The following SCN3A variants were observed in gnomAD, a reference collection of about 807,000 sequenced individuals.
SCN3A encodes sodium channel protein type 3 subunit alpha.
In SCN3A, 60 loss-of-function variants were observed where a neutral mutation model predicts 187.6. The ratio of observed to expected loss-of-function variants is 0.32; its 90% confidence interval spans 0.26 to 0.40. The LOEUF (loss-of-function observed/expected upper bound fraction) is 0.40. Among genes scored for constraint, SCN3A ranks in the 10% least tolerant of loss-of-function variants. The pLI is 1.00. For missense variants in SCN3A, 1,601 were observed against 2,428.2 expected (o/e 0.66, Z 7.16); for synonymous variants, 788 against 829.2 (o/e 0.95, Z 0.85).
rs1381118373 is a variant in SCN3A, at chr2:165,088,999, A to G, written c.*1151T>C. 1 of 152,598 alleles carries G rather than the reference A, an allele frequency of 6.6e-6. No individual in the cohort carries two copies. The highest frequency in any genetic ancestry group is 2.4e-5 in the African/African-American group (1 of 41,464). 9.5% of individuals were successfully genotyped at this position (152,598 alleles called of 1,614,324 possible). ...ATTCATTCTATCACCAATATGTGAC[A>G]TTCTTTAACCAAGACTTGTGAAGAA... On this transcript the variant is annotated 3_prime_UTR_variant, in exon 28 of 28. Transcript: ENST00000283254.
At chr2:165,202,768 A>C (rs1343323662) in intron 1 of SCN3A, among the ~76,000 whole-genome samples, 2 of 152,062 alleles carry the variant, frequency 1.3e-5, no homozygotes, top group African/African-American at 2.4e-5. Context: ...TTTGGAGTGA[A>C]TGTGATGAAA....
intron 18 of SCN3A, 119 bp from the exon 19 acceptor site, chr2:165,115,694 T>G (rs1686338821): frequency 1.1e-6 from 1 of 878,176 alleles, no homozygotes; most frequent in Non-Finnish European, 1.9e-6. Flanking sequence ...TCTATTAGCA[T>G]TACTGATCAT....
At chr2:165,156,429 C>T (rs1229396766) in intron 9 of SCN3A, among the ~76,000 whole-genome samples, 4 of 135,546 alleles carry the variant, frequency 3.0e-5, no homozygotes, top group Non-Finnish European at 4.6e-5. Flanking sequence ...AGGAGAATGG[C>T]GTGAACCCGG....
At chr2:165,132,868 T>C (rs1236565431) in intron 15 of SCN3A, among the ~76,000 whole-genome samples, 1 of 152,162 alleles carries the variant, frequency 6.6e-6, no homozygotes, top group African/African-American at 2.4e-5. Context: ...GAGGAAATTT[T>C]CGCAACCTAC....
chr2:165,166,712 A>G (rs897989627), intron 5 of SCN3A, among the ~76,000 whole-genome samples: 10 of 152,134 alleles, frequency 6.6e-5, no homozygotes, highest in Non-Finnish European at 1.3e-4. Context: ...AACCACTACT[A>G]CTTTGCTTTT....
Position 165,097,408 on chromosome 2 carries a change from G to A in SCN3A, c.4083C>T (p.Phe1361=). The change falls in exon 23 of 28, where the codon TTC becomes TTT. Residue 1361 remains phenylalanine (F), a synonymous_variant. Transcript: ENST00000283254. ...CCGTTGTCATGTTAACACAGTGGTAGAACTTGCCAGCAAACAAATTCACAC... is the reference window on the plus strand; with the variant it reads ...CCGTTGTCATGTTAACACAGTGGTAAAACTTGCCAGCAAACAAATTCACAC... ...IMGVNLFAGK[F]YHCVNMTTGN... 6.2e-7 allele frequency: 1 copy of A among 1,614,008 alleles called. No individual in the cohort carries two copies. Among genetic ancestry groups the A allele is most frequent in the East Asian group, 2.2e-5 (1 of 44,870 alleles).
At chr2:165,115,126 T>A (rs557444849) in intron 19 of SCN3A, among the ~76,000 whole-genome samples, 9 of 152,262 alleles carry the variant, frequency 5.9e-5, no homozygotes, top group African/African-American at 2.2e-4. Flanking sequence ...TAATCATGGC[T>A]CACTGTAGCC....
At position 165,100,444 on chromosome 2, in the gene SCN3A, T is replaced by G; in HGVS notation, c.3844-20A>C. On this transcript the variant is annotated intron_variant, in intron 21 of 27. Coordinates refer to ENST00000283254, the MANE Select transcript of SCN3A (RefSeq NM_006922.4). ...AGAAACCTACAAAAGGAAAAAAAAA[T>G]TAATTAGTTCACCAAGAAATAAACT... is the stretch of plus-strand genomic sequence containing the variant. 6.2e-7 allele frequency: 1 copy of G among 1,608,914 alleles called. No homozygotes were observed. Among genetic ancestry groups the G allele is most frequent in the Non-Finnish European group, 8.5e-7 (1 of 1,176,352 alleles).
chr2:165,155,771 A>C lies in SCN3A; in HGVS notation c.1164T>G (p.Leu388=). ...CTCATTTGGACCTTACCAACTGGTA[A>C]AGATTTTCCCAGTAGTCTTGAGTCA... ...RLMTQDYWEN[L]YQLTLRAAGK... Residue 388 remains leucine, a synonymous_variant, in exon 10 of 28, where the codon CTT becomes CTG. Transcript: ENST00000283254. The C allele has an allele frequency of 6.2e-7, 1 of 1,614,188 alleles. No individual in the cohort carries two copies. Among genetic ancestry groups the C allele is most frequent in the Non-Finnish European group, 8.5e-7 (1 of 1,180,026 alleles).
intron 15 of SCN3A, among the ~76,000 whole-genome samples, chr2:165,132,293 A>C (rs1687378675): frequency 6.6e-6 from 1 of 152,186 alleles, no homozygotes; most frequent in Non-Finnish European, 1.5e-5. Flanking sequence ...TAAAGTTCAT[A>C]TGGAACCAAA....
intron 15 of SCN3A, among the ~76,000 whole-genome samples, chr2:165,136,856 C>T (rs1441993746): frequency 6.6e-6 from 1 of 152,094 alleles, no homozygotes; most frequent in Admixed American, 6.6e-5. Context: ...TCCAATTGTC[C>T]ACCAGCATTT....
At chr2:165,164,621 C>T (rs1689622738) in intron 5 of SCN3A, 101 bp from the exon 6 acceptor site, 1 of 1,305,642 alleles carries the variant, frequency 7.7e-7, no homozygotes, top group African/African-American at 1.5e-5. Flanking sequence ...TTTTTCAATT[C>T]ATTAAAATAT....
At chr2:165,094,591 A>T in intron 25 of SCN3A, 113 bp from the exon 26 acceptor site, 1 of 728,068 alleles carries the variant, frequency 1.4e-6, no homozygotes, top group Non-Finnish European at 2.4e-6. Context: ...TTATCCTCCT[A>T]CATATACATT....
chr2:165,146,855 C>T lies in SCN3A; in HGVS notation c.1555G>A (p.Glu519Lys). 6.2e-7 allele frequency: 1 copy of T among 1,614,058 alleles called. No individual in the cohort carries two copies. Among genetic ancestry groups the T allele is most frequent in the East Asian group, 2.2e-5 (1 of 44,858 alleles). The change falls in exon 12 of 28, where the codon GAG becomes AAG. Residue 519 changes from glutamate to lysine, a missense_variant. Around this residue, in one of 11 missense-constraint regions of SCN3A, gnomAD observed 376 missense variants for 476.0 expected, o/e 0.79. Transcript: ENST00000283254. ...TCGGATTTGGGAAAGCTGTCTCTCTCTCCTTTGTTGTTTCCTTCAAGGTGC... is the reference window on the plus strand; with the variant it reads ...TCGGATTTGGGAAAGCTGTCTCTCTTTCCTTTGTTGTTTCCTTCAAGGTGC... ...REHLEGNNKGERDSFPKSESE... is the reference protein window; with the variant it reads ...REHLEGNNKGKRDSFPKSESE...
At chr2:165,118,346 A>G (rs1474359983) in intron 18 of SCN3A, among the ~76,000 whole-genome samples, 2 of 152,226 alleles carry the variant, frequency 1.3e-5, no homozygotes, top group African/African-American at 4.8e-5. Flanking sequence ...CAGTTATTAC[A>G]GAGATTTTCT....
At chr2:165,146,241 C>T (rs987805595) in intron 12 of SCN3A, among the ~76,000 whole-genome samples, 7 of 151,720 alleles carry the variant, frequency 4.6e-5, no homozygotes, top group African/African-American at 9.7e-5. Context: ...ATGTATGTTA[C>T]GATCACAACT....
chr2:165,126,962 A>G (rs542195270), intron 18 of SCN3A, among the ~76,000 whole-genome samples: 3 of 152,314 alleles, frequency 2.0e-5, no homozygotes, highest in African/African-American at 7.2e-5. Context: ...TCATAGCAAA[A>G]CCTAATATAG....
rs1297216416 is a variant in SCN3A, at chr2:165,092,818, A to T, written c.4537-294T>A. The T allele has an allele frequency of 3.0e-6, 1 of 334,226 alleles. No homozygotes were observed. Among genetic ancestry groups the T allele is most frequent in the East Asian group, 6.9e-5 (1 of 14,562 alleles). The allele number at this position is 334,226 out of a possible 1,614,324, so 20.7% of individuals were successfully genotyped here. Reference sequence around the variant, plus strand: ...ATGCCTGTAATTCCAGCACTTTAGGAGGCTGAGACTGGAGGCTCTCTTGAG... The same window carrying T: ...ATGCCTGTAATTCCAGCACTTTAGGTGGCTGAGACTGGAGGCTCTCTTGAG... On this transcript the variant is annotated intron_variant, in intron 26 of 27. Coordinates refer to ENST00000283254, the MANE Select transcript of SCN3A (RefSeq NM_006922.4). The surrounding 1 kb of genome is among the most constrained non-coding windows in gnomAD (Gnocchi z 4.2).
chr2:165,108,730 G>A (rs1685975561), intron 21 of SCN3A, among the ~76,000 whole-genome samples: 1 of 152,118 alleles, frequency 6.6e-6, no homozygotes, highest in East Asian at 1.9e-4. Context: ...GTCAATAGCA[G>A]CATCTATAGT....
Sources: allele counts gnomAD v4.1 joint callset (sites outside exome capture counted in the v4.1 genomes callset), GRCh38; gene constraint gnomAD v4.1.1; regional missense constraint gnomAD v4.1.1; non-coding constraint Gnocchi (gnomAD v3.1); transcripts MANE v1.5; gene names NCBI Gene and HGNC (gene_info 2026-07-23, HGNC 2026-07-21).